Variants in TBC1D10B observed in about 807,000 individuals in gnomAD.
The protein encoded by TBC1D10B is Rab27A-GAPbeta.
TBC1D10B carries 25 observed loss-of-function variants against 78.4 expected under a neutral mutation model. The observed-to-expected ratio is 0.32, with a 90% CI of 0.23 to 0.45. TBC1D10B has a LOEUF of 0.45. Ranked by LOEUF, TBC1D10B falls within the 20% of genes least tolerant of loss-of-function variation. The pLI, the probability that TBC1D10B is intolerant of heterozygous loss-of-function variation, is 1.00. For missense variants in TBC1D10B, 996 were observed against 1,104.8 expected (o/e 0.90, Z 1.40); for synonymous variants, 517 against 478.0 (o/e 1.08, Z -1.06).
chr16:30,369,681 T>C lies in TBC1D10B; in HGVS notation c.503A>G (p.Lys168Arg). The C allele has an allele frequency of 3.3e-6, 5 of 1,530,654 alleles. No individual in the cohort carries two copies. Among genetic ancestry groups the C allele is most frequent in the Non-Finnish European group, 4.4e-6 (5 of 1,136,446 alleles). The allele number at this position is 1,530,654 out of a possible 1,614,324, so 94.8% of individuals were successfully genotyped here. The change falls in exon 1 of 9, where the codon AAA becomes AGA. Residue 168 changes from lysine (K) to arginine (R), a missense_variant. Transcript: ENST00000409939. This position sits in a 1 kb window ranked among gnomAD's most constrained non-coding sequence, Gnocchi z 4.3. The part of the protein sequence containing the change: ...SRTAPGALTA[K>R]PPLAPKPGTT... Reference sequence around the variant, plus strand: ...TCCCGGCTTGGGGGCAAGCGGGGGTTTGGCGGTCAGGGCACCAGGAGCCGT... The same window carrying C: ...TCCCGGCTTGGGGGCAAGCGGGGGTCTGGCGGTCAGGGCACCAGGAGCCGT...
Position 30,368,949 on chromosome 16 carries a change from G to A in TBC1D10B, c.956+279C>T, listed in dbSNP as rs151066061. On this transcript the variant is annotated intron_variant, in intron 1 of 8. Coordinates refer to ENST00000409939, the MANE Select transcript of TBC1D10B (RefSeq NM_015527.4). ...TCCACTTTATAGAGGAAAAAACTGA[G>A]GCACGGAAATGGGGAAGCCACTAGC... 2.6e-3 allele frequency among the ~76,000 whole-genome samples: 393 copies of A among 152,318 alleles called. 1 individual carries two copies. The highest frequency in any genetic ancestry group is 3.2e-3 in the Non-Finnish European group (217 of 68,026).
At chr16:30,362,811 C>T (rs1315376061) in intron 4 of TBC1D10B, among the ~76,000 whole-genome samples, 2 of 152,102 alleles carry the variant, frequency 1.3e-5, no homozygotes, top group Non-Finnish European at 2.9e-5. Flanking sequence ...CCGAGGTGAG[C>T]AGATCACTTG....
In TBC1D10B at chr16:30,364,905, C is replaced by T. The variant is rs1417540440; in HGVS notation, c.1266G>A (p.Gly422=). ...CCATGGTCCGGCCACCTTACCCATGCCCCCCTCGAGCAGCAAACATCTCGT... is the reference window on the plus strand; with the variant it reads ...CCATGGTCCGGCCACCTTACCCATGTCCCCCTCGAGCAGCAAACATCTCGT... ...PFHEMFAARG[G]HGQQDLYRIL... Residue 422 remains glycine, a synonymous_variant, in exon 4 of 9, where the codon GGG becomes GGA. Coordinates refer to ENST00000409939, the MANE Select transcript of TBC1D10B (RefSeq NM_015527.4). 1.9e-6 allele frequency: 3 copies of T among 1,608,402 alleles called. No individual in the cohort carries two copies. Among genetic ancestry groups the T allele is most frequent in the East Asian group, 4.5e-5 (2 of 44,502 alleles).
rs890793156 is a variant in TBC1D10B at position 30,369,174 on chromosome 16, C to T, written c.956+54G>A. ...AAGTGTATCGTTTTCGTTTCGCCCTCCCCCAACCTTTGCTTCCCCGAGGCG... is the reference window on the plus strand; with the variant it reads ...AAGTGTATCGTTTTCGTTTCGCCCTTCCCCAACCTTTGCTTCCCCGAGGCG... On this transcript the variant is annotated intron_variant, in intron 1 of 8. Transcript: ENST00000409939. The surrounding 1 kb of genome is among the most constrained non-coding windows in gnomAD (Gnocchi z 4.3). 3.4e-6 allele frequency: 5 copies of T among 1,492,184 alleles called. No homozygotes were observed. Among genetic ancestry groups the T allele is most frequent in the East Asian group, 4.8e-5 (2 of 41,750 alleles). The allele number at this position is 1,492,184 out of a possible 1,614,324, so 92.4% of individuals were successfully genotyped here. A position where few individuals can be genotyped will look rare whatever the true frequency, so the allele number is the denominator to read the frequency against.
intron 4 of TBC1D10B, among the ~76,000 whole-genome samples, chr16:30,364,676 C>T (rs1000062567): frequency 6.6e-6 from 1 of 152,078 alleles, no homozygotes; most frequent in African/African-American, 2.4e-5. Context: ...CAAATGCAAG[C>T]TCTTCAAGGA....
At position 30,365,729 on chromosome 16, in the gene TBC1D10B, T is replaced by G. The variant is rs1202182341; in HGVS notation, c.957-135A>C. The G allele has an allele frequency of 1.2e-6, 1 of 803,374 alleles. No individual in the cohort carries two copies. The highest frequency in any genetic ancestry group is 1.7e-5 in the African/African-American group (1 of 59,158). The allele number at this position is 803,374 out of a possible 1,614,324, so 49.8% of individuals were successfully genotyped here. On this transcript the variant is annotated intron_variant, in intron 1 of 8. Transcript: ENST00000409939. This position sits in a 1 kb window ranked among gnomAD's most constrained non-coding sequence, Gnocchi z 5.0. ...GTCTGTGAGCTGCCAAACATCAGGA[T>G]GTCTGGCCACTTGGGCATCCCAAGG...
intron 1 of TBC1D10B, among the ~76,000 whole-genome samples, chr16:30,368,559 C>T (rs1319257655): frequency 6.6e-6 from 1 of 152,128 alleles, no homozygotes; most frequent in East Asian, 1.9e-4. Flanking sequence ...CCCCCTACCT[C>T]GGGAGTGACT....
intron 4 of TBC1D10B, among the ~76,000 whole-genome samples, chr16:30,363,325 C>A (rs2049611513): frequency 6.6e-6 from 1 of 152,222 alleles, no homozygotes. Flanking sequence ...AGTCTCCTAA[C>A]TGGTCCGTTT....
At chr16:30,364,270 GTC>G (rs1450114105) in intron 4 of TBC1D10B, among the ~76,000 whole-genome samples, 1 of 151,934 alleles carries the variant, frequency 6.6e-6, no homozygotes, top group Non-Finnish European at 1.5e-5. Context: ...GTGAAACCCC[GTC>G]TCTGCTAAAA....
In TBC1D10B at chr16:30,358,481, A is replaced by G; in HGVS notation, c.1890T>C (p.Tyr630=). 6.3e-7 allele frequency: 1 copy of G among 1,599,014 alleles called. No individual in the cohort carries two copies. The highest frequency in any genetic ancestry group is 1.3e-5 in the African/African-American group (1 of 74,688). Residue 630 remains tyrosine, a synonymous_variant, in exon 9 of 9, where the codon TAT becomes TAC. Transcript: ENST00000409939. ...ACCCATGCAGTCGCCGTGAGGGCCGATACTGCAGCTCCCCCCGCGTTTCCC... is the reference window on the plus strand; with the variant it reads ...ACCCATGCAGTCGCCGTGAGGGCCGGTACTGCAGCTCCCCCCGCGTTTCCC... ...KWRETRGELQ[Y]RPSRRLHGSR...
At chr16:30,367,059 G>C (rs1409334379) in intron 1 of TBC1D10B, 1 of 152,228 alleles carries the variant, frequency 6.6e-6, no homozygotes, top group African/African-American at 2.4e-5. Flanking sequence ...AGCCGGGTGT[G>C]GTGGCACATG....
Position 30,358,031 on chromosome 16 carries a change from C to T in TBC1D10B, c.2340G>A (p.Ser780=), listed in dbSNP as rs368199332. The part of the protein sequence containing the change: ...QEKKAQGRKL[S]LRRKADGPPG... ...GGGGCCCATCTGCCTTTCGACGCAG[C>T]GAAAGCTTCCGGCCTTGAGCCTTCT... The change falls in exon 9 of 9, where the codon TCG becomes TCA. Residue 780 remains serine (S), a synonymous_variant. Transcript: ENST00000409939. The T allele has an allele frequency of 8.6e-4, 1,339 of 1,551,858 alleles. 19 individuals are homozygous for T. In the South Asian group the frequency reaches 0.015, roughly 17 times the overall value.
chr16:30,365,003 G>A lies in TBC1D10B; in HGVS notation c.1168C>T (p.Leu390=), dbSNP rs765265015. 50 of 1,613,214 alleles carry A rather than the reference G, an allele frequency of 3.1e-5. No homozygotes were observed. The highest frequency in any genetic ancestry group is 4.2e-5 in the Non-Finnish European group (49 of 1,179,608). ...TTGGGGTCCCCAGGAGCCCGTTCCA[G>A]CTCCTGCAGTGGGACAGTGGGGATT... The part of the protein sequence containing the change: ...LEQNPGKFEE[L]ERAPGDPKWL... Residue 390 remains leucine (L), a synonymous_variant, in exon 4 of 9, where the codon CTG becomes TTG. Transcript: ENST00000409939. This position sits in a 1 kb window ranked among gnomAD's most constrained non-coding sequence, Gnocchi z 5.0.
In TBC1D10B at chr16:30,359,790, G is replaced by C. The variant is rs112374393; in HGVS notation, c.1323C>G (p.Asp441Glu). The C allele has an allele frequency of 6.3e-7, 1 of 1,583,914 alleles. No homozygotes were observed. The highest frequency in any genetic ancestry group is 8.6e-7 in the Non-Finnish European group (1 of 1,164,806). ...ILKAYTIYRP[D>E]EGYCQAQAPV... The stretch of plus-strand genomic sequence containing the variant: ...GGGCCTGGGCCTGGCAGTAACCCTC[G>C]TCAGGCCGGTAGATGGTGTAGGCCT... Residue 441 changes from aspartate (D) to glutamate (E), a missense_variant, in exon 5 of 9, where the codon GAC (aspartate) becomes GAG (glutamate). By Grantham distance (45) the Asp-to-Glu change is conservative. Transcript: ENST00000409939.
Position 30,359,825 on chromosome 16 carries a change from G to T in TBC1D10B, c.1288C>A (p.Arg430=). The change falls in exon 5 of 9, where the codon CGA becomes AGA. Residue 430 remains arginine, a synonymous_variant. Transcript: ENST00000409939. The part of the protein sequence containing the change: ...RGGHGQQDLY[R]ILKAYTIYRP... Reference sequence around the variant, plus strand: ...TAGATGGTGTAGGCCTTCAGGATTCGGTACAGGTCCTGTTGCCTGTGGGGG... The same window carrying T: ...TAGATGGTGTAGGCCTTCAGGATTCTGTACAGGTCCTGTTGCCTGTGGGGG... 1 of 1,566,716 alleles carries T rather than the reference G, an allele frequency of 6.4e-7. No homozygotes were observed. Among genetic ancestry groups the T allele is most frequent in the Non-Finnish European group, 8.7e-7 (1 of 1,155,336 alleles).
Position 30,369,717 on chromosome 16 carries a change from G to A in TBC1D10B, c.467C>T (p.Thr156Ile), listed in dbSNP as rs1261642345. 3 of 1,488,120 alleles carry A rather than the reference G, an allele frequency of 2.0e-6. No individual in the cohort carries two copies. Among genetic ancestry groups the A allele is most frequent in the African/African-American group, 2.8e-5 (2 of 70,622 alleles). 92.2% of individuals were successfully genotyped at this position (1,488,120 alleles called of 1,614,324 possible). Residue 156 changes from threonine (T) to isoleucine (I), a missense_variant, in exon 1 of 9, where the codon ACC becomes ATC. Around this residue, in one of 5 missense-constraint regions of TBC1D10B, gnomAD observed 448 missense variants for 442.1 expected, o/e 1.01. Transcript: ENST00000409939. The surrounding 1 kb of genome is among the most constrained non-coding windows in gnomAD (Gnocchi z 4.3). ...PGTPTGTPTR[T>I]PSRTAPGALT... is the part of the protein sequence containing the mutation. ...GGCACCAGGAGCCGTTCTGGAAGGG[G>A]TCCTGGTAGGGGTCCCGGTGGGGGT... is the stretch of plus-strand genomic sequence containing the variant.
Position 30,365,173 on chromosome 16 carries a change from T to C in TBC1D10B, c.1096A>G (p.Arg366Gly), listed in dbSNP as rs1231235949. The change falls in exon 3 of 9, where the codon AGA (arginine) becomes GGA (glycine). Residue 366 changes from arginine (R) to glycine (G), a missense_variant. Transcript: ENST00000409939. The surrounding 1 kb of genome is among the most constrained non-coding windows in gnomAD (Gnocchi z 5.0). ...RCRKGIPSSL[R>G]AKAWQYLSNS... ...GACAGGTACTGCCAGGCTTTGGCTC[T>C]GAGAGAGGAGGGGATCCCCTTCCGG... is the stretch of plus-strand genomic sequence containing the variant. 1 of 1,613,976 alleles carries C rather than the reference T, an allele frequency of 6.2e-7. No individual in the cohort carries two copies. Among genetic ancestry groups the C allele is most frequent in the African/African-American group, 1.3e-5 (1 of 75,042 alleles).
rs1272817352 is a variant in TBC1D10B at position 30,365,145 on chromosome 16, T to C, written c.1124A>G (p.Asn375Ser). The C allele has an allele frequency of 6.2e-7, 1 of 1,613,984 alleles. No homozygotes were observed. Among genetic ancestry groups the C allele is most frequent in the Admixed American group, 1.7e-5 (1 of 60,024 alleles). ...LRAKAWQYLSNSKELLEQNPG... is the reference protein window; with the variant it reads ...LRAKAWQYLSSSKELLEQNPG... ...GTTCTGCTCCAGAAGTTCCTTGCTATTAGACAGGTACTGCCAGGCTTTGGC... is the reference window on the plus strand; with the variant it reads ...GTTCTGCTCCAGAAGTTCCTTGCTACTAGACAGGTACTGCCAGGCTTTGGC... Residue 375 changes from asparagine to serine, a missense_variant, in exon 3 of 9, where the codon AAT (asparagine) becomes AGT (serine). Asn to Ser is a conservative substitution (Grantham distance 46). Coordinates refer to ENST00000409939, the MANE Select transcript of TBC1D10B (RefSeq NM_015527.4). This position sits in a 1 kb window ranked among gnomAD's most constrained non-coding sequence, Gnocchi z 5.0.
chr16:30,370,017 C>G lies in TBC1D10B; in HGVS notation c.167G>C (p.Gly56Ala). Residue 56 changes from glycine to alanine, a missense_variant, in exon 1 of 9, where the codon GGG becomes GCG. Physicochemically the swap from Gly to Ala is moderately conservative, Grantham distance 60. Coordinates refer to ENST00000409939, the MANE Select transcript of TBC1D10B (RefSeq NM_015527.4). ...TSAPVTLVAP[G>A]EARPAWVPGS... Reference sequence around the variant, plus strand: ...CGGGACCCAGGCGGGCCGCGCCTCCCCGGGGGCCACCAGGGTGACGGGGGC... The same window carrying G: ...CGGGACCCAGGCGGGCCGCGCCTCCGCGGGGGCCACCAGGGTGACGGGGGC... 1 of 1,232,200 alleles carries G rather than the reference C, an allele frequency of 8.1e-7. No homozygotes were observed. Among genetic ancestry groups the G allele is most frequent in the Non-Finnish European group, 1.0e-6 (1 of 987,892 alleles). 76.3% of individuals were successfully genotyped at this position (1,232,200 alleles called of 1,614,324 possible).
Sources: gnomAD v4.1 joint callset for allele counts (sites outside exome capture counted in the v4.1 genomes callset) on GRCh38, gnomAD v4.1.1 for gene constraint, gnomAD v4.1.1 regional missense constraint, Gnocchi (gnomAD v3.1) non-coding constraint, MANE v1.5 for transcripts, NCBI Gene and HGNC (gene_info 2026-07-23, HGNC 2026-07-21) for gene names.